CCDC180: variants seen among roughly 807,000 people sequenced by gnomAD.
CCDC180 encodes coiled-coil domain-containing protein 180.
CCDC180 carries 154 observed loss-of-function variants against 209.2 expected under a neutral mutation model. The observed-to-expected ratio is 0.74, with a 90% CI of 0.65 to 0.84. The LOEUF (loss-of-function observed/expected upper bound fraction) is 0.84. CCDC180 is among the 40% of genes least tolerant of loss of function. The pLI is 0.00. For synonymous variants in CCDC180, 778 were observed against 749.1 expected (o/e 1.04, Z -0.63); for missense variants, 1,874 against 1,997.3 (o/e 0.94, Z 1.18).
At position 97,357,254 on chromosome 9, in the gene CCDC180, C is replaced by T. The variant is rs553908596; in HGVS notation, c.3265-373C>T. ...CTGCACTGCTGGAGCAGAGCCTGTG[C>T]ACTTGCCAGGACAATCTGACTGCAT... On this transcript the variant is annotated intron_variant, in intron 24 of 36. Transcript: ENST00000529487. Among the ~76,000 whole-genome samples, 25 of 152,012 alleles carry T rather than the reference C, an allele frequency of 1.6e-4. 2 individuals are homozygous for T. The highest frequency in any genetic ancestry group is 9.7e-5 in the African/African-American group (4 of 41,444).
At chr9:97,334,629 A>G (rs1320905094) in intron 18 of CCDC180, among the ~76,000 whole-genome samples, 23 of 152,046 alleles carry the variant, frequency 1.5e-4, no homozygotes, top group Admixed American at 1.5e-3. Flanking sequence ...ATTAAGTTGC[A>G]TTTTTGCTAA....
intron 13 of CCDC180, 113 bp downstream of exon 13, chr9:97,324,016 C>T (rs752708149): frequency 3.7e-5 from 48 of 1,281,708 alleles, no homozygotes; most frequent in Admixed American, 4.7e-5. Flanking sequence ...CTAGTGTGTC[C>T]GCTCACCCTT....
Position 97,343,387 on chromosome 9 carries a change from G to A in CCDC180, c.2322G>A (p.Met774Ile). Reference sequence around the variant, plus strand: ...TAGAGGAGATATACTATGAGGACATGGAGTCCTTCACAATCTCCAGTGGAA... The same window carrying A: ...TAGAGGAGATATACTATGAGGACATAGAGTCCTTCACAATCTCCAGTGGAA... ...EGLEEIYYED[M>I]ESFTISSGNT... Residue 774 changes from methionine (M) to isoleucine (I), a missense_variant, in exon 19 of 37, where the codon ATG becomes ATA. Met to Ile is a conservative substitution (Grantham distance 10). Coordinates refer to ENST00000529487, the MANE Select transcript of CCDC180 (RefSeq NM_020893.6). 6.2e-7 allele frequency: 1 copy of A among 1,613,386 alleles called. No homozygotes were observed. Among genetic ancestry groups the A allele is most frequent in the Non-Finnish European group, 8.5e-7 (1 of 1,179,388 alleles).
rs750918804 is a variant in CCDC180 at position 97,369,968 on chromosome 9, G to A, written c.4236G>A (p.Val1412=). Residue 1412 remains valine (V), a synonymous_variant, in exon 32 of 37, where the codon GTG becomes GTA. Coordinates refer to ENST00000529487, the MANE Select transcript of CCDC180 (RefSeq NM_020893.6). The part of the protein sequence containing the change: ...IRRFEELLPQ[V]CWLVMENFKE... ...GATTTGAGGAGCTGCTGCCCCAAGT[G>A]TGTTGGCTGGTGATGGAGAATTTCA... The A allele has an allele frequency of 3.2e-5, 51 of 1,614,104 alleles. No homozygotes were observed. Among genetic ancestry groups the A allele is most frequent in the Admixed American group, 5.0e-5 (3 of 60,004 alleles).
chr9:97,320,558 G>A (rs1458806298), intron 11 of CCDC180, among the ~76,000 whole-genome samples: 2 of 152,198 alleles, frequency 1.3e-5, no homozygotes, highest in Admixed American at 6.5e-5. Context: ...CTCCCAGGCT[G>A]TGTGACCTTG....
intron 24 of CCDC180, among the ~76,000 whole-genome samples, chr9:97,355,626 G>T (rs1826560324): frequency 1.3e-5 from 2 of 152,152 alleles, no homozygotes; most frequent in South Asian, 4.2e-4. Flanking sequence ...AGTGACTTAG[G>T]TAGGAACACA....
At position 97,309,539 on chromosome 9, in the gene CCDC180, C is replaced by G; in HGVS notation, c.195C>G (p.Pro65=). The G allele has an allele frequency of 6.3e-7, 1 of 1,597,800 alleles. No homozygotes were observed. Among genetic ancestry groups the G allele is most frequent in the Non-Finnish European group, 8.5e-7 (1 of 1,173,026 alleles). Residue 65 remains proline (P), a synonymous_variant, in exon 3 of 37, where the codon CCC becomes CCG. Transcript: ENST00000529487. ...VETPEGEVMS[P]RQQKWMHSLP... is the part of the protein sequence containing the mutation. ...CTCCTGAAGGGGAGGTGATGTCTCCCCGACAGCAGAAGTGGATGCACAGCC... is the reference window on the plus strand; with the variant it reads ...CTCCTGAAGGGGAGGTGATGTCTCCGCGACAGCAGAAGTGGATGCACAGCC...
At chr9:97,318,395 C>T (rs73559855) in intron 9 of CCDC180, 68 bp from the exon 10 acceptor site, 3 of 1,574,986 alleles carry the variant, frequency 1.9e-6, no homozygotes, top group South Asian at 2.3e-5. Flanking sequence ...CCATGGTTCT[C>T]TTTCCCTCTC....
At chr9:97,330,851 C>T in intron 18 of CCDC180, 84 bp downstream of exon 18, 2 of 1,242,620 alleles carry the variant, frequency 1.6e-6, no homozygotes, top group Non-Finnish European at 2.2e-6. Flanking sequence ...AAGCTGGGGT[C>T]TTCAGTGGCC....
upstream of CCDC180, chr9:97,307,481 AG>A: frequency 1.7e-6 from 1 of 593,650 alleles, no homozygotes; most frequent in Non-Finnish European, 3.1e-6. Flanking sequence ...CGGGCTAGGG[AG>A]GGGGATGGCA....
At position 97,374,524 on chromosome 9, in the gene CCDC180, G is replaced by A. The variant is rs367970840; in HGVS notation, c.4601-19G>A. ...GCTGTCGGTGAGGCTGCAGTCACTA[G>A]CCTGTCTTTTGCCTCTAGGGATGGA... On this transcript the variant is annotated intron_variant, in intron 34 of 36. Transcript: ENST00000529487. 43 of 1,594,620 alleles carry A rather than the reference G, an allele frequency of 2.7e-5. No homozygotes were observed. The African/African-American group carries it at 4.4e-4, about 16-fold the overall frequency.
rs1204130611 is a variant in CCDC180, at chr9:97,361,747, G to A, written c.3505G>A (p.Glu1169Lys). ...VFTNTILKDQ[E>K]EDSDILTSSE... The stretch of plus-strand genomic sequence containing the variant: ...GCAGAACACCATCCTGAAGGACCAG[G>A]AGGAAGACAGTGACATCCTGACATC... Residue 1169 changes from glutamate to lysine, a missense_variant, in exon 27 of 37, where the codon GAG (glutamate) becomes AAG (lysine). Coordinates refer to ENST00000529487, the MANE Select transcript of CCDC180 (RefSeq NM_020893.6). 6.2e-7 allele frequency: 1 copy of A among 1,614,102 alleles called. No individual in the cohort carries two copies. Among genetic ancestry groups the A allele is most frequent in the African/African-American group, 1.3e-5 (1 of 75,048 alleles).
rs1201503863 is a variant in CCDC180 at position 97,330,656 on chromosome 9, G to A, written c.2163G>A (p.Glu721=). 1 of 1,609,098 alleles carries A rather than the reference G, an allele frequency of 6.2e-7. No individual in the cohort carries two copies. The highest frequency in any genetic ancestry group is 1.7e-5 in the Admixed American group (1 of 59,308). Residue 721 remains glutamate, a synonymous_variant, in exon 18 of 37, where the codon GAG becomes GAA. Transcript: ENST00000529487. ...ENVKGQGEKK[E]ESEEEDEKEE... is the part of the protein sequence containing the mutation. ...TGAAGGGTCAAGGAGAAAAGAAGGAGGAGTCAGAGGAGGAAGATGAGAAGG... is the reference window on the plus strand; with the variant it reads ...TGAAGGGTCAAGGAGAAAAGAAGGAAGAGTCAGAGGAGGAAGATGAGAAGG...
At position 97,314,423 on chromosome 9, in the gene CCDC180, G is replaced by A; in HGVS notation, c.490G>A (p.Gly164Arg). The A allele has an allele frequency of 6.2e-7, 1 of 1,614,112 alleles. No homozygotes were observed. The highest frequency in any genetic ancestry group is 8.5e-7 in the Non-Finnish European group (1 of 1,180,022). Reference sequence around the variant, plus strand: ...GGAACCTCTCATCGTGGACACAGGGGGACTTTTTTTGAAGAAGCTGACTGA... The same window carrying A: ...GGAACCTCTCATCGTGGACACAGGGAGACTTTTTTTGAAGAAGCTGACTGA... ...EMEPLIVDTGGLFLKKLTESD... is the reference protein window; with the variant it reads ...EMEPLIVDTGRLFLKKLTESD... Residue 164 changes from glycine (G) to arginine (R), a missense_variant, in exon 6 of 37, where the codon GGA becomes AGA. Gly to Arg is a moderately radical substitution (Grantham distance 125). Coordinates refer to ENST00000529487, the MANE Select transcript of CCDC180 (RefSeq NM_020893.6).
At chr9:97,365,848 C>G in intron 30 of CCDC180, 109 bp downstream of exon 30, 1 of 894,468 alleles carries the variant, frequency 1.1e-6, no homozygotes, top group African/African-American at 1.6e-5. Context: ...GGATTCCACC[C>G]CCGCCATGAC....
chr9:97,309,495 A>G lies in CCDC180; in HGVS notation c.151A>G (p.Met51Val). 1 of 1,608,172 alleles carries G rather than the reference A, an allele frequency of 6.2e-7. No individual in the cohort carries two copies. ...SVTLKSGRIP[M>V]MKKVETPEGE... ...GACCCTGAAGAGTGGCAGGATACCC[A>G]TGATGAAGAAGGTGGAGACTCCTGA... The change falls in exon 3 of 37, where the codon ATG becomes GTG. Residue 51 changes from methionine to valine, a missense_variant. By Grantham distance (21) the Met-to-Val change is conservative. Transcript: ENST00000529487.
intron 4 of CCDC180, among the ~76,000 whole-genome samples, chr9:97,312,546 A>G (rs960015268): frequency 6.6e-6 from 1 of 152,218 alleles, no homozygotes; most frequent in African/African-American, 2.4e-5. Flanking sequence ...TTATCCTAAT[A>G]TAGAAACCTT....
intron 21 of CCDC180, 123 bp from the exon 22 acceptor site, chr9:97,350,286 C>A: frequency 3.3e-6 from 3 of 901,242 alleles, no homozygotes; most frequent in Non-Finnish European, 5.0e-6. Context: ...TGTCCCCAGG[C>A]TGGTCATTAT....
chr9:97,309,758 G>T (rs987350893), intron 3 of CCDC180, among the ~76,000 whole-genome samples, 154 bp downstream of exon 3: 2 of 152,186 alleles, frequency 1.3e-5, no homozygotes, highest in Non-Finnish European at 2.9e-5. Flanking sequence ...TTGCAGGATG[G>T]TTTGCTTCTC....
Sources: allele counts gnomAD v4.1 joint callset (sites outside exome capture counted in the v4.1 genomes callset), GRCh38; gene constraint gnomAD v4.1.1; transcripts MANE v1.5; gene names NCBI Gene and HGNC (gene_info 2026-07-23, HGNC 2026-07-21).